The following EYA2 variants were observed in gnomAD, a reference collection of about 807,000 sequenced individuals.
EYA2 encodes the protein protein phosphatase EYA2.
In EYA2, 31 loss-of-function variants were observed where a neutral mutation model predicts 69.2. That is an observed-to-expected ratio of 0.45 (90% CI 0.34 to 0.60). EYA2 has a LOEUF of 0.60. Ranked by LOEUF, EYA2 falls within the 20% of genes least tolerant of loss-of-function variation. The pLI is 0.02. For synonymous variants in EYA2, 257 were observed against 279.4 expected, an observed-to-expected ratio of 0.92 and a Z score of 0.80; for missense variants, 622 against 701.2, an observed-to-expected ratio of 0.89 and a Z score of 1.28.
rs751599284 is a variant in EYA2, at chr20:47,188,515, G to A, written c.*382G>A. Reference sequence around the variant, plus strand: ...CTCATTACTCCGGAATTATGCTCTTGTACCTGTGTGGCTGGGTTTCTTAGT... The same window carrying A: ...CTCATTACTCCGGAATTATGCTCTTATACCTGTGTGGCTGGGTTTCTTAGT... On this transcript the variant is annotated 3_prime_UTR_variant, in exon 16 of 16. Transcript: ENST00000327619. The A allele has an allele frequency of 2.5e-5, 12 of 477,432 alleles. No individual in the cohort carries two copies. Among genetic ancestry groups the A allele is most frequent in the Non-Finnish European group, 4.0e-5 (11 of 272,262 alleles). The allele number at this position is 477,432 out of a possible 1,614,324, so 29.6% of individuals were successfully genotyped here.
At chr20:47,116,406 G>A (rs2032893875) in intron 9 of EYA2, among the ~76,000 whole-genome samples, 1 of 152,016 alleles carries the variant, frequency 6.6e-6, no homozygotes, top group Non-Finnish European at 1.5e-5. Flanking sequence ...TCGAACTCCT[G>A]ACCTCAGGTG....
At chr20:47,172,085 C>A (rs34167577) in intron 11 of EYA2, among the ~76,000 whole-genome samples, 1 of 151,130 alleles carries the variant, frequency 6.6e-6, no homozygotes, top group African/African-American at 2.4e-5. Flanking sequence ...GGCAACAGAG[C>A]AAGACTCCAT....
chr20:47,011,516 C>T (rs1224714409), intron 4 of EYA2, among the ~76,000 whole-genome samples: 1 of 152,166 alleles, frequency 6.6e-6, no homozygotes, highest in Non-Finnish European at 1.5e-5. Flanking sequence ...CTCTCCCCAA[C>T]CCTTACCCCA....
intron 1 of EYA2, among the ~76,000 whole-genome samples, chr20:46,904,337 C>A (rs1312274937): frequency 6.6e-6 from 1 of 151,138 alleles, no homozygotes; most frequent in African/African-American, 2.4e-5. Context: ...AAGCACTGAA[C>A]ATTAGTAAAT....
chr20:47,102,385 G>C (rs1276526357), intron 9 of EYA2, among the ~76,000 whole-genome samples: 3 of 152,210 alleles, frequency 2.0e-5, no homozygotes, highest in Non-Finnish European at 4.4e-5. Flanking sequence ...AAGGAAACTG[G>C]AGTAATCCTT....
intron 9 of EYA2, among the ~76,000 whole-genome samples, chr20:47,131,603 G>C (rs780282460): frequency 1.3e-5 from 2 of 152,236 alleles, no homozygotes; most frequent in South Asian, 4.2e-4. Context: ...TAAAAGGGAG[G>C]GTGGTCAAAG....
intron 1 of EYA2, among the ~76,000 whole-genome samples, chr20:46,951,989 A>C (rs927497401): frequency 3.3e-5 from 5 of 152,208 alleles, no homozygotes; most frequent in African/African-American, 1.2e-4. Context: ...TATACCAGGC[A>C]TGACTATTGG....
intron 4 of EYA2, among the ~76,000 whole-genome samples, chr20:47,009,989 TCACTGCTGTATAATATTC>T (rs1982958339): frequency 6.6e-6 from 1 of 152,254 alleles, no homozygotes; most frequent in Non-Finnish European, 1.5e-5. Context: ...TCATTCATTT[TCACTGCTGTATAATATTC>T]CACTACTTGA....
intron 1 of EYA2, among the ~76,000 whole-genome samples, chr20:46,912,239 G>A (rs1220888875): frequency 2.0e-5 from 3 of 152,174 alleles, no homozygotes; most frequent in Non-Finnish European, 2.9e-5. Context: ...CTACATGTTC[G>A]CAACTGCTAA....
At chr20:47,114,261 G>C (rs2032832226) in intron 9 of EYA2, among the ~76,000 whole-genome samples, 1 of 152,232 alleles carries the variant, frequency 6.6e-6, no homozygotes, top group Non-Finnish European at 1.5e-5. Context: ...CTTTCACACA[G>C]GGTTTTCTGT....
intron 3 of EYA2, among the ~76,000 whole-genome samples, chr20:47,002,316 T>C (rs920414847): frequency 6.6e-6 from 1 of 152,150 alleles, no homozygotes; most frequent in Non-Finnish European, 1.5e-5. Context: ...AGGTATTAAA[T>C]TCGACATGCA....
At chr20:46,989,513 C>T (rs920416449) in intron 1 of EYA2, among the ~76,000 whole-genome samples, 2 of 152,100 alleles carry the variant, frequency 1.3e-5, no homozygotes, top group African/African-American at 2.4e-5. Flanking sequence ...GTGATCCACC[C>T]GCCTCAGCGT....
intron 1 of EYA2, among the ~76,000 whole-genome samples, chr20:46,968,874 C>T (rs751968973): frequency 2.0e-5 from 3 of 151,998 alleles, no homozygotes; most frequent in Non-Finnish European, 2.9e-5. Flanking sequence ...TTCAGGTTAA[C>T]GTTTCTGAAC....
At chr20:47,090,862 T>C (rs1200786111) in intron 8 of EYA2, among the ~76,000 whole-genome samples, 1 of 152,088 alleles carries the variant, frequency 6.6e-6, no homozygotes, top group Non-Finnish European at 1.5e-5. Context: ...CCAGTAGAAA[T>C]AGGCAAAATG....
rs7269974 is a variant in EYA2, at chr20:47,058,243, G to A, written c.416-13942G>A. 3.1e-3 allele frequency among the ~76,000 whole-genome samples: 472 copies of A among 152,356 alleles called. 1 individual carries two copies. Among genetic ancestry groups the A allele is most frequent in the African/African-American group, 0.011 (445 of 41,584 alleles). ...CAGAGAAATGTAGACTAAAGACAACGAATGAGATGTTAGTCCCATAGGCTG... is the reference window on the plus strand; with the variant it reads ...CAGAGAAATGTAGACTAAAGACAACAAATGAGATGTTAGTCCCATAGGCTG... On this transcript the variant is annotated intron_variant, in intron 5 of 15. Coordinates refer to ENST00000327619, the MANE Select transcript of EYA2 (RefSeq NM_005244.5).
At chr20:46,970,040 C>T (rs1004678072) in intron 1 of EYA2, among the ~76,000 whole-genome samples, 26 of 152,194 alleles carry the variant, frequency 1.7e-4, no homozygotes, top group Non-Finnish European at 1.5e-4. Flanking sequence ...GTTCTTCCGT[C>T]GGATCTTCTG....
At chr20:47,165,644 G>A (rs554380652) in intron 10 of EYA2, among the ~76,000 whole-genome samples, 111 of 152,294 alleles carry the variant, frequency 7.3e-4, no homozygotes, top group African/African-American at 2.6e-3. Flanking sequence ...GTTGCACTTT[G>A]TCACCTGCCA....
At chr20:47,185,942 G>A (rs2034631417) in intron 15 of EYA2, among the ~76,000 whole-genome samples, 1 of 152,102 alleles carries the variant, frequency 6.6e-6, no homozygotes, top group South Asian at 2.1e-4. Flanking sequence ...GTGCAGCAAT[G>A]AGCATTGCAT....
At chr20:47,014,492 T>A (rs1983280528) in intron 4 of EYA2, among the ~76,000 whole-genome samples, 1 of 152,190 alleles carries the variant, frequency 6.6e-6, no homozygotes, top group Non-Finnish European at 1.5e-5. Flanking sequence ...ACTCAGTGAC[T>A]GGAGAGAATG....
Sources: allele counts gnomAD v4.1 joint callset (sites outside exome capture counted in the v4.1 genomes callset), GRCh38; gene constraint gnomAD v4.1.1; transcripts MANE v1.5; gene names NCBI Gene and HGNC (gene_info 2026-07-23, HGNC 2026-07-21).